The following CDH12 variants were observed in gnomAD, a reference collection of about 807,000 sequenced individuals.
CDH12 encodes cadherin-12.
Under a neutral mutation model 74.1 loss-of-function variants are expected in CDH12, and 41 were observed. That is an observed-to-expected ratio of 0.55 (90% CI 0.43 to 0.72). CDH12 has a LOEUF of 0.72. CDH12 is among the 30% of genes least tolerant of loss of function. CDH12 has a pLI of 0.00. For missense variants in CDH12, 945 were observed against 977.2 expected, an observed-to-expected ratio of 0.97 and a Z score of 0.44; for synonymous variants, 399 against 355.0, an observed-to-expected ratio of 1.12 and a Z score of -1.39.
At chr5:21,832,290 G>C (rs969884467) in intron 8 of CDH12, among the ~76,000 whole-genome samples, 1 of 152,056 alleles carries the variant, frequency 6.6e-6, no homozygotes, top group Non-Finnish European at 1.5e-5. Flanking sequence ...AATGATTCAT[G>C]CTCTCGTTAG....
chr5:22,852,090 A>G (rs559117886), intron 1 of CDH12, among the ~76,000 whole-genome samples: 1 of 152,260 alleles, frequency 6.6e-6, no homozygotes, highest in African/African-American at 2.4e-5. Context: ...CCCCCTCAGT[A>G]TGTAAGGTAA....
At chr5:22,685,520 G>A (rs1292892319) in intron 1 of CDH12, among the ~76,000 whole-genome samples, 1 of 152,220 alleles carries the variant, frequency 6.6e-6, no homozygotes, top group African/African-American at 2.4e-5. Context: ...ACAGGCGTGA[G>A]TCACTGCGCC....
At chr5:22,270,415 GA>G (rs1171992653) in intron 3 of CDH12, among the ~76,000 whole-genome samples, 1 of 151,812 alleles carries the variant, frequency 6.6e-6, no homozygotes, top group Non-Finnish European at 1.5e-5. Context: ...ATAACATGGT[GA>G]AACCCCATCT....
intron 3 of CDH12, among the ~76,000 whole-genome samples, chr5:22,337,154 T>C (rs951532259): frequency 6.6e-6 from 1 of 152,186 alleles, no homozygotes; most frequent in Non-Finnish European, 1.5e-5. Context: ...ATTTCTTCCA[T>C]TTGGAATGGC....
At chr5:21,794,412 C>A (rs1358479947) in intron 10 of CDH12, among the ~76,000 whole-genome samples, 2 of 151,682 alleles carry the variant, frequency 1.3e-5, no homozygotes, top group Non-Finnish European at 3.0e-5. Context: ...AGAAATAATT[C>A]TCTTGCGGGT....
intron 9 of CDH12, among the ~76,000 whole-genome samples, chr5:21,805,483 G>T (rs1747379990): frequency 6.6e-6 from 1 of 152,094 alleles, no homozygotes; most frequent in South Asian, 2.1e-4. Context: ...TGTACATACA[G>T]ATTTTTTGCA....
At chr5:22,695,816 T>G (rs1365301697) in intron 1 of CDH12, among the ~76,000 whole-genome samples, 1 of 152,162 alleles carries the variant, frequency 6.6e-6, no homozygotes, top group Non-Finnish European at 1.5e-5. Flanking sequence ...TTTAGAAAGA[T>G]TTTATATTTT....
intron 3 of CDH12, among the ~76,000 whole-genome samples, chr5:22,383,874 T>A (rs1234966535): frequency 6.6e-6 from 1 of 152,168 alleles, no homozygotes; most frequent in Non-Finnish European, 1.5e-5. Flanking sequence ...GGGAGGACTG[T>A]GTAATGTATA....
At chr5:22,509,943 G>A (rs1445237227) in intron 1 of CDH12, among the ~76,000 whole-genome samples, 1 of 151,816 alleles carries the variant, frequency 6.6e-6, no homozygotes, top group East Asian at 1.9e-4. Context: ...CCTCAGCAGA[G>A]CAAGTACCAA....
At chr5:22,047,286 A>G (rs1740019401) in intron 5 of CDH12, among the ~76,000 whole-genome samples, 1 of 152,080 alleles carries the variant, frequency 6.6e-6, no homozygotes, top group Non-Finnish European at 1.5e-5. Context: ...CTCTTACTGT[A>G]ACTTATAGAC....
intron 3 of CDH12, among the ~76,000 whole-genome samples, chr5:22,271,251 C>T (rs1349890535): frequency 1.3e-5 from 2 of 152,164 alleles, no homozygotes; most frequent in Non-Finnish European, 2.9e-5. Context: ...GGAGTAGATT[C>T]TAGCTCAAGA....
At chr5:22,666,025 A>G (rs1740595642) in intron 1 of CDH12, among the ~76,000 whole-genome samples, 1 of 152,120 alleles carries the variant, frequency 6.6e-6, no homozygotes, top group African/African-American at 2.4e-5. Flanking sequence ...TGCATACTTC[A>G]CATTCCTACT....
chr5:22,846,350 A>G (rs1446898450), intron 1 of CDH12, among the ~76,000 whole-genome samples: 3 of 152,164 alleles, frequency 2.0e-5, no homozygotes, highest in African/African-American at 7.2e-5. Context: ...TGGAAAAAGC[A>G]TCCAGATGGC....
At chr5:22,509,204 T>G (rs951703097) in intron 1 of CDH12, among the ~76,000 whole-genome samples, 1 of 152,158 alleles carries the variant, frequency 6.6e-6, no homozygotes, top group Admixed American at 6.5e-5. Flanking sequence ...AGATGTTACT[T>G]AATAATGAAA....
intron 3 of CDH12, among the ~76,000 whole-genome samples, chr5:22,335,605 A>C (rs1007397839): frequency 1.3e-5 from 2 of 151,774 alleles, no homozygotes; most frequent in African/African-American, 2.4e-5. Flanking sequence ...AAAAAACAAA[A>C]ACAAAAACAA....
At chr5:21,832,750 C>A (rs1749096670) in intron 8 of CDH12, among the ~76,000 whole-genome samples, 1 of 133,316 alleles carries the variant, frequency 7.5e-6, no homozygotes, top group South Asian at 2.2e-4. Flanking sequence ...ACACATGATA[C>A]ATATCATATA....
At chr5:21,851,491 A>T (rs1402440955) in intron 7 of CDH12, among the ~76,000 whole-genome samples, 2 of 150,626 alleles carry the variant, frequency 1.3e-5, no homozygotes, top group African/African-American at 4.8e-5. Flanking sequence ...CAATATGTTA[A>T]TATAAAACAT....
At chr5:21,918,448 G>A (rs1202843235) in intron 6 of CDH12, among the ~76,000 whole-genome samples, 1 of 151,890 alleles carries the variant, frequency 6.6e-6, no homozygotes, top group Non-Finnish European at 1.5e-5. Context: ...ACCCGAGGCT[G>A]GGTAATTTAT....
chr5:22,771,103 A>G (rs1278071941), intron 1 of CDH12, among the ~76,000 whole-genome samples: 1 of 152,104 alleles, frequency 6.6e-6, no homozygotes, highest in African/African-American at 2.4e-5. Context: ...AGATGAACGA[A>G]TTTTATTTAA....
Sources: allele counts gnomAD v4.1 joint callset (sites outside exome capture counted in the v4.1 genomes callset), GRCh38; gene constraint gnomAD v4.1.1; transcripts MANE v1.5; gene names NCBI Gene and HGNC (gene_info 2026-07-23, HGNC 2026-07-21).